SGCD: variants seen among roughly 807,000 people sequenced by gnomAD.
SGCD encodes the protein sarcoglycan delta, also known as delta-sarcoglycan.
In SGCD, 18 loss-of-function variants were observed where a neutral mutation model predicts 36.6. The observed-to-expected ratio is 0.49, with a 90% CI of 0.34 to 0.73. The LOEUF (loss-of-function observed/expected upper bound fraction) is 0.73, where lower values mean the gene tolerates loss of function less well. SGCD is among the 30% of genes least tolerant of loss of function. SGCD has a pLI of 0.01. For synonymous variants in SGCD, 133 were observed against 130.6 expected (o/e 1.02, Z -0.12); for missense variants, 387 against 346.7 (o/e 1.12, Z -0.92).
chr5:155,964,492 C>T (rs768451929), intron 1 of SGCD, among the ~76,000 whole-genome samples: 12 of 152,040 alleles, frequency 7.9e-5, no homozygotes, highest in Non-Finnish European at 1.6e-4. Context: ...GCACCCACCA[C>T]CTTGCCTGGC....
chr5:156,561,197 G>T (rs1387709759), intron 4 of SGCD, among the ~76,000 whole-genome samples: 1 of 152,118 alleles, frequency 6.6e-6, no homozygotes, highest in Non-Finnish European at 1.5e-5. Flanking sequence ...ACATTACAGG[G>T]CTTTGGAAGT....
intron 3 of SGCD, among the ~76,000 whole-genome samples, chr5:156,387,108 C>G (rs2127752143): frequency 6.6e-6 from 1 of 152,260 alleles, no homozygotes; most frequent in East Asian, 1.9e-4. Flanking sequence ...AGTTTGCCTC[C>G]CATTTCCCTC....
intron 1 of SGCD, among the ~76,000 whole-genome samples, chr5:156,037,689 T>C (rs1448019213): frequency 2.0e-5 from 3 of 152,210 alleles, no homozygotes; most frequent in Non-Finnish European, 2.9e-5. Flanking sequence ...GAATGAGTCA[T>C]TGTCTTTTTA....
At chr5:156,184,914 A>G (rs995825732) in intron 3 of SGCD, among the ~76,000 whole-genome samples, 4 of 152,194 alleles carry the variant, frequency 2.6e-5, no homozygotes, top group Non-Finnish European at 5.9e-5. Flanking sequence ...TATCTGGAGC[A>G]GCAAATTATA....
At chr5:156,416,745 C>T (rs1773061603) in intron 3 of SGCD, among the ~76,000 whole-genome samples, 1 of 152,140 alleles carries the variant, frequency 6.6e-6, no homozygotes. Context: ...AGAATATTTA[C>T]AGCCTCAAGA....
At chr5:156,508,480 C>A in intron 3 of SGCD, 121 bp from the exon 4 acceptor site, 1 of 639,012 alleles carries the variant, frequency 1.6e-6, no homozygotes, top group Non-Finnish European at 2.8e-6. Context: ...AATACCCGTC[C>A]TCATTCCACA....
intron 3 of SGCD, 118 bp downstream of exon 3, chr5:156,344,795 C>T: frequency 1.4e-6 from 1 of 705,554 alleles, no homozygotes; most frequent in Non-Finnish European, 2.3e-6. Context: ...AATCTGTAAC[C>T]TCGTGTTTTG....
In SGCD at chr5:155,873,417, C is replaced by A. The variant is rs186086638; in HGVS notation, c.-282+2993C>A. On this transcript the variant is annotated intron_variant, in intron 1 of 9. Coordinates refer to the SGCD transcript ENST00000517913. ...ACTCATTATCTTAAGTGAAGTAACTCAGAAACAGAAAGTCCAAATACTGCA... is the reference window on the plus strand; with the variant it reads ...ACTCATTATCTTAAGTGAAGTAACTAAGAAACAGAAAGTCCAAATACTGCA... Among the ~76,000 whole-genome samples, 4 of 152,134 alleles carry A rather than the reference C, an allele frequency of 2.6e-5. No individual in the cohort carries two copies. The East Asian group carries it at 5.8e-4, about 22-fold the overall frequency.
chr5:156,445,301 A>G (rs1042622752), intron 3 of SGCD, among the ~76,000 whole-genome samples: 1 of 152,134 alleles, frequency 6.6e-6, no homozygotes, highest in African/African-American at 2.4e-5. Flanking sequence ...CAATATGACT[A>G]TAGGTAGCCA....
At chr5:155,968,363 A>G (rs1404836661) in intron 1 of SGCD, among the ~76,000 whole-genome samples, 5 of 152,086 alleles carry the variant, frequency 3.3e-5, no homozygotes, top group Admixed American at 2.0e-4. Flanking sequence ...TATTTACTAT[A>G]TGAGTATATA....
At chr5:156,432,993 C>T (rs371386436) in intron 3 of SGCD, among the ~76,000 whole-genome samples, 31 of 152,308 alleles carry the variant, frequency 2.0e-4, no homozygotes, top group African/African-American at 6.7e-4. Flanking sequence ...TTCCTGCTCA[C>T]TCACAGATTC....
At chr5:156,244,399 A>G (rs1765390240) in intron 3 of SGCD, among the ~76,000 whole-genome samples, 1 of 152,234 alleles carries the variant, frequency 6.6e-6, no homozygotes, top group African/African-American at 2.4e-5. Context: ...TAGCAACATC[A>G]TATTCATAAG....
chr5:156,503,311 A>C (rs928488094), intron 3 of SGCD, among the ~76,000 whole-genome samples: 1 of 152,166 alleles, frequency 6.6e-6, no homozygotes, highest in African/African-American at 2.4e-5. Context: ...GGGCTCTCCA[A>C]AAATAGCAGA....
chr5:155,919,648 C>T (rs1276733281), intron 1 of SGCD, among the ~76,000 whole-genome samples: 1 of 152,156 alleles, frequency 6.6e-6, no homozygotes, highest in South Asian at 2.1e-4. Flanking sequence ...ATAGATCATT[C>T]ATCATGGCAA....
At chr5:156,542,322 T>C (rs1008556083) in intron 4 of SGCD, among the ~76,000 whole-genome samples, 3 of 152,190 alleles carry the variant, frequency 2.0e-5, no homozygotes, top group Non-Finnish European at 4.4e-5. Context: ...CCACTCTTTT[T>C]GGTCTTAATC....
chr5:156,146,571 CTAACTT>C (rs1456155028), intron 3 of SGCD, among the ~76,000 whole-genome samples: 1 of 152,200 alleles, frequency 6.6e-6, no homozygotes, highest in Non-Finnish European at 1.5e-5. Flanking sequence ...CATTACAACT[CTAACTT>C]TAGTTGTAAT....
intron 3 of SGCD, among the ~76,000 whole-genome samples, chr5:156,239,583 A>G (rs762823881): frequency 7.9e-5 from 12 of 152,194 alleles, no homozygotes; most frequent in Admixed American, 4.6e-4. Context: ...TCTACATTAC[A>G]GAAAAAAATA....
At chr5:155,775,913 C>T in the SGCD span, among the ~76,000 whole-genome samples, 1 of 152,158 alleles carries the variant, frequency 6.6e-6, no homozygotes, top group African/African-American at 2.4e-5. Context: ...GGGATTCAAT[C>T]TGGGTCATCA....
At chr5:156,071,703 A>G (rs188019253) in intron 1 of SGCD, among the ~76,000 whole-genome samples, 7 of 152,164 alleles carry the variant, frequency 4.6e-5, no homozygotes, top group African/African-American at 7.2e-5. Flanking sequence ...TTTCTGTCTC[A>G]TTGATCTGTC....
Sources: allele counts gnomAD v4.1 joint callset (sites outside exome capture counted in the v4.1 genomes callset), GRCh38; gene constraint gnomAD v4.1.1; transcripts MANE v1.5; gene names NCBI Gene and HGNC (gene_info 2026-07-23, HGNC 2026-07-21).